Variants in FSTL5 observed in about 807,000 individuals in gnomAD.
FSTL5 encodes follistatin-related protein 5.
Under a neutral mutation model 89.1 loss-of-function variants are expected in FSTL5, and 62 were observed. The observed-to-expected ratio is 0.70, with a 90% CI of 0.57 to 0.86. FSTL5 has a LOEUF of 0.86. Among genes scored for constraint, FSTL5 ranks in the 40% least tolerant of loss-of-function variants. The probability of loss-of-function intolerance (pLI) is 0.00; values close to 1 mark genes in which losing one functional copy is unlikely to be tolerated. For synonymous variants in FSTL5, 383 were observed against 346.2 expected (o/e 1.11, Z -1.18); for missense variants, 1,057 against 1,001.6 (o/e 1.06, Z -0.75).
intron 4 of FSTL5, among the ~76,000 whole-genome samples, chr4:161,864,575 T>C (rs1438406872): frequency 6.6e-6 from 1 of 152,064 alleles, no homozygotes; most frequent in Non-Finnish European, 1.5e-5. Flanking sequence ...GAAATTATTT[T>C]AAAAGCATTA....
At chr4:161,480,868 A>G in intron 13 of FSTL5, 152 bp downstream of exon 13, 1 of 586,414 alleles carries the variant, frequency 1.7e-6, no homozygotes, top group Non-Finnish European at 3.0e-6. Flanking sequence ...GAACAGAATG[A>G]GAGAAGAGTT....
intron 4 of FSTL5, among the ~76,000 whole-genome samples, chr4:161,879,226 A>C (rs1001546601): frequency 1.3e-5 from 2 of 152,160 alleles, no homozygotes; most frequent in Non-Finnish European, 2.9e-5. Flanking sequence ...AATTATATCC[A>C]TAATCCAAGA....
At chr4:161,721,665 T>C (rs1418340903) in intron 6 of FSTL5, among the ~76,000 whole-genome samples, 1 of 152,158 alleles carries the variant, frequency 6.6e-6, no homozygotes, top group Non-Finnish European at 1.5e-5. Flanking sequence ...ATGCAAGGCA[T>C]CCAGGGATCA....
At chr4:161,561,121 T>C (rs1351424794) in intron 8 of FSTL5, among the ~76,000 whole-genome samples, 1 of 151,918 alleles carries the variant, frequency 6.6e-6, no homozygotes, top group Admixed American at 6.6e-5. Context: ...TATAAACTTA[T>C]AAGACCACTA....
At chr4:161,496,833 T>TAGAGATAGAGATAGAGAC (rs1553991664) in intron 12 of FSTL5, among the ~76,000 whole-genome samples, 7 of 151,074 alleles carry the variant, frequency 4.6e-5, no homozygotes, top group African/African-American at 1.7e-4. Context: ...GAGATAGAGA[T>TAGAGATAGAGATAGAGAC]AGAGATCAAA....
At chr4:161,925,888 AGAAT>A (rs1307114293) in intron 3 of FSTL5, among the ~76,000 whole-genome samples, 1 of 151,922 alleles carries the variant, frequency 6.6e-6, no homozygotes, top group Non-Finnish European at 1.5e-5. Flanking sequence ...TCACTGTATA[AGAAT>A]TTACTTCAGC....
At chr4:161,490,539 A>C (rs1729831331) in intron 12 of FSTL5, among the ~76,000 whole-genome samples, 1 of 151,950 alleles carries the variant, frequency 6.6e-6, no homozygotes, top group Admixed American at 6.6e-5. Flanking sequence ...TAGGAATAAA[A>C]CTTTTTTTTT....
intron 2 of FSTL5, among the ~76,000 whole-genome samples, chr4:162,086,440 G>A (rs1273293908): frequency 6.6e-6 from 1 of 151,184 alleles, no homozygotes; most frequent in East Asian, 1.9e-4. Context: ...AGTATGCCAT[G>A]GCAACGTTAA....
chr4:161,649,293 T>A (rs1049306336), intron 7 of FSTL5, among the ~76,000 whole-genome samples: 5 of 152,200 alleles, frequency 3.3e-5, no homozygotes, highest in African/African-American at 1.2e-4. Context: ...TTTACGAAAC[T>A]GATGTTTATA....
intron 4 of FSTL5, among the ~76,000 whole-genome samples, chr4:161,902,623 GGATCATGAGGTCAGGA>G (rs1283318482): frequency 6.6e-6 from 1 of 152,112 alleles, no homozygotes; most frequent in African/African-American, 2.4e-5. Context: ...CGAGGCGGGA[GGATCATGAGGTCAGGA>G]GATCGAGACC....
At chr4:161,424,280 T>C (rs987427153) in intron 15 of FSTL5, among the ~76,000 whole-genome samples, 5 of 152,086 alleles carry the variant, frequency 3.3e-5, no homozygotes, top group East Asian at 1.9e-4. Context: ...AGAGTAACTC[T>C]TGAAGTGGTT....
chr4:161,794,544 T>C (rs1401003510), intron 4 of FSTL5, among the ~76,000 whole-genome samples: 2 of 152,160 alleles, frequency 1.3e-5, no homozygotes, highest in African/African-American at 4.8e-5. Flanking sequence ...ACAGGTATCA[T>C]TCACTTTTAA....
At chr4:161,414,370 C>T (rs1009730048) in intron 15 of FSTL5, among the ~76,000 whole-genome samples, 2 of 152,036 alleles carry the variant, frequency 1.3e-5, no homozygotes, top group African/African-American at 4.8e-5. Flanking sequence ...CCATAATAGT[C>T]ATTAGGAGTA....
chr4:161,655,689 G>A (rs979353573), intron 7 of FSTL5, among the ~76,000 whole-genome samples: 1 of 152,050 alleles, frequency 6.6e-6, no homozygotes, highest in Non-Finnish European at 1.5e-5. Context: ...AACCAACACT[G>A]TGAATTATTT....
At chr4:162,042,058 G>T (rs7668634) in intron 2 of FSTL5, 42,547 of 151,764 alleles carry the variant, frequency 0.28, 5,986 homozygotes, top group Admixed American at 0.31. Flanking sequence ...GCTGAGCCAG[G>T]AGAATCACTT....
chr4:162,158,739 T>C (rs1733578940), intron 1 of FSTL5, among the ~76,000 whole-genome samples: 1 of 152,076 alleles, frequency 6.6e-6, no homozygotes, highest in African/African-American at 2.4e-5. Context: ...TACAAAGCCA[T>C]GCAAATGTTA....
Position 161,845,386 on chromosome 4 carries a change from G to A in FSTL5, c.410-69312C>T, listed in dbSNP as rs189224408. ...TGGATATTGTTTTTCAGGCTTCAGA[G>A]TACTTGGGAGCTGCCTTCAGAACCA... On this transcript the variant is annotated intron_variant, in intron 4 of 15. Coordinates refer to ENST00000306100, the MANE Select transcript of FSTL5 (RefSeq NM_020116.5). Among the ~76,000 whole-genome samples, 314 of 152,284 alleles carry A rather than the reference G, an allele frequency of 2.1e-3. 1 individual carries two copies. Among genetic ancestry groups the A allele is most frequent in the African/African-American group, 7.2e-3 (300 of 41,572 alleles).
intron 10 of FSTL5, among the ~76,000 whole-genome samples, chr4:161,526,562 G>T (rs1366562880): frequency 2.0e-5 from 3 of 152,096 alleles, no homozygotes; most frequent in Non-Finnish European, 2.9e-5. Flanking sequence ...TTTTCTTCTA[G>T]GGTTTTTATG....
intron 2 of FSTL5, among the ~76,000 whole-genome samples, chr4:162,054,474 G>C (rs1008034102): frequency 4.6e-5 from 7 of 151,596 alleles, no homozygotes; most frequent in Non-Finnish European, 8.8e-5. Context: ...TAAGGACAGA[G>C]AAAAAACGAA....
Sources: allele counts gnomAD v4.1 joint callset (sites outside exome capture counted in the v4.1 genomes callset), GRCh38; gene constraint gnomAD v4.1.1; transcripts MANE v1.5; gene names NCBI Gene and HGNC (gene_info 2026-07-23, HGNC 2026-07-21).